STK33: variants seen among roughly 807,000 people sequenced by gnomAD.
The protein encoded by STK33 is serine/threonine-protein kinase 33.
STK33 carries 52 observed loss-of-function variants against 58.0 expected under a neutral mutation model. That is an observed-to-expected ratio of 0.90 (90% confidence interval 0.72 to 1.13). The LOEUF is 1.13. STK33 is among the 50% of genes most tolerant of loss of function. The pLI is 0.00. For synonymous variants in STK33, 215 were observed against 200.1 expected, an observed-to-expected ratio of 1.07 and a Z score of -0.63; for missense variants, 630 against 604.2, an observed-to-expected ratio of 1.04 and a Z score of -0.45.
chr11:8,408,964 C>T (rs1939741273), intron 15 of STK33, among the ~76,000 whole-genome samples: 1 of 152,196 alleles, frequency 6.6e-6, no homozygotes, highest in Admixed American at 6.5e-5. Context: ...GCAGCCTCTG[C>T]CTAGCATCTA....
At chr11:8,368,443 T>C in the STK33 span, among the ~76,000 whole-genome samples, 3 of 152,174 alleles carry the variant, frequency 2.0e-5, no homozygotes, top group African/African-American at 7.2e-5. Context: ...GGCTACCCCC[T>C]CACCCTCAGC....
intron 14 of STK33, among the ~76,000 whole-genome samples, chr11:8,415,034 G>C (rs971400467): frequency 1.3e-4 from 20 of 152,002 alleles, no homozygotes; most frequent in Non-Finnish European, 4.4e-5. Flanking sequence ...TCATCTGAAC[G>C]GGTTCTGCTC....
chr11:8,584,298 G>C (rs1476924422), intron 1 of STK33, among the ~76,000 whole-genome samples: 1 of 152,048 alleles, frequency 6.6e-6, no homozygotes, highest in Non-Finnish European at 1.5e-5. Flanking sequence ...TCATAATGTA[G>C]GGAGGATTCC....
intron 1 of STK33, among the ~76,000 whole-genome samples, chr11:8,528,470 A>G (rs954823716): frequency 1.3e-5 from 2 of 152,236 alleles, no homozygotes; most frequent in African/African-American, 4.8e-5. Context: ...TAATCCAAGC[A>G]TATACTCAGG....
At chr11:8,556,252 G>C (rs1169886488) in intron 1 of STK33, among the ~76,000 whole-genome samples, 1 of 152,158 alleles carries the variant, frequency 6.6e-6, no homozygotes, top group East Asian at 1.9e-4. Context: ...GCAGAAAAAA[G>C]CGTCATCAAA....
At chr11:8,455,389 C>A (rs1413751642) in intron 9 of STK33, among the ~76,000 whole-genome samples, 1 of 152,182 alleles carries the variant, frequency 6.6e-6, no homozygotes, top group African/African-American at 2.4e-5. Context: ...GACACAAAAT[C>A]TCCAGTTGAA....
intron 1 of STK33, among the ~76,000 whole-genome samples, chr11:8,580,662 G>A (rs1443351453): frequency 6.6e-6 from 1 of 152,006 alleles, no homozygotes; most frequent in African/African-American, 2.4e-5. Context: ...ATGTTTAAGG[G>A]CACAGATACC....
chr11:8,372,501 C>A, the STK33 span, among the ~76,000 whole-genome samples: 1 of 152,262 alleles, frequency 6.6e-6, no homozygotes, highest in African/African-American at 2.4e-5. Context: ...AAAACTCTCA[C>A]AACCTCAGCT....
the STK33 span, among the ~76,000 whole-genome samples, chr11:8,362,901 T>C: frequency 4.5e-4 from 22 of 49,100 alleles, no homozygotes; most frequent in South Asian, 2.2e-3. Context: ...TTCCTCTCTC[T>C]CTCCCTTCCT....
intron 14 of STK33, among the ~76,000 whole-genome samples, chr11:8,422,831 CT>C (rs1942126627): frequency 6.6e-6 from 1 of 151,344 alleles, no homozygotes. Context: ...TTCTCTCTCT[CT>C]TTTTTTTCTT....
chr11:8,437,191 G>A (rs1023160250), intron 12 of STK33, among the ~76,000 whole-genome samples: 1 of 152,188 alleles, frequency 6.6e-6, no homozygotes, highest in Non-Finnish European at 1.5e-5. Flanking sequence ...CATGAGCACT[G>A]TGTATAAAGT....
intron 1 of STK33, among the ~76,000 whole-genome samples, chr11:8,525,582 T>C (rs962861929): frequency 2.0e-5 from 3 of 152,170 alleles, no homozygotes; most frequent in African/African-American, 7.2e-5. Context: ...ACACCATACA[T>C]TAATATTAAT....
the STK33 span, among the ~76,000 whole-genome samples, chr11:8,361,684 G>T: frequency 2.0e-5 from 3 of 152,190 alleles, no homozygotes; most frequent in African/African-American, 7.2e-5. The surrounding 1 kb of genome is among the most constrained non-coding windows in gnomAD (Gnocchi z 4.8). Flanking sequence ...TCTTCAGGAA[G>T]CCCCACCAGC....
At chr11:8,473,359 T>A in intron 5 of STK33, 83 bp from the exon 6 acceptor site, 1 of 810,486 alleles carries the variant, frequency 1.2e-6, no homozygotes, top group Non-Finnish European at 2.0e-6. Flanking sequence ...TTAGATAATC[T>A]GATAACTCTT....
the STK33 span, among the ~76,000 whole-genome samples, chr11:8,371,840 T>C: frequency 7.8e-6 from 1 of 127,488 alleles, no homozygotes; most frequent in Non-Finnish European, 1.6e-5. Flanking sequence ...CCACCCTTCC[T>C]TCCTCCTTCC....
intron 8 of STK33, among the ~76,000 whole-genome samples, chr11:8,458,411 T>G (rs756257260): frequency 7.7e-6 from 1 of 129,718 alleles, no homozygotes; most frequent in African/African-American, 3.0e-5. Flanking sequence ...AAACTTAGCT[T>G]ATGGGCCATT....
At chr11:8,514,562 T>G (rs185905810) in intron 1 of STK33, among the ~76,000 whole-genome samples, 228 of 152,316 alleles carry the variant, frequency 1.5e-3, no homozygotes, top group Non-Finnish European at 1.7e-3. Flanking sequence ...CCACCAAGGT[T>G]GAGTACCTCA....
chr11:8,481,179 T>C (rs533763545), intron 1 of STK33, among the ~76,000 whole-genome samples: 6 of 152,224 alleles, frequency 3.9e-5, no homozygotes, highest in Admixed American at 3.3e-4. Context: ...CTTTCAAGGG[T>C]TGAAAGCACA....
At chr11:8,575,184 A>G (rs1958091599) in intron 1 of STK33, among the ~76,000 whole-genome samples, 1 of 152,238 alleles carries the variant, frequency 6.6e-6, no homozygotes, top group Non-Finnish European at 1.5e-5. Context: ...TGTGAAAAAC[A>G]GTTTGGTGGC....
Sources: gnomAD v4.1 joint callset for allele counts (sites outside exome capture counted in the v4.1 genomes callset) on GRCh38, gnomAD v4.1.1 for gene constraint, Gnocchi (gnomAD v3.1) non-coding constraint, MANE v1.5 for transcripts, NCBI Gene and HGNC (gene_info 2026-07-23, HGNC 2026-07-21) for gene names.